The following HOMER1 variants were observed in gnomAD, a reference collection of about 807,000 sequenced individuals.
HOMER1 encodes homer protein homolog 1.
Under a neutral mutation model 48.9 loss-of-function variants are expected in HOMER1, and 3 were observed. The ratio of observed to expected loss-of-function variants is 0.06; its 90% CI spans 0.03 to 0.16. The LOEUF is 0.16. HOMER1 is among the 10% of genes least tolerant of loss of function. The probability of loss-of-function intolerance (pLI) is 1.00; values close to 1 mark genes in which losing one functional copy is unlikely to be tolerated. For missense variants in HOMER1, 247 were observed against 411.4 expected, an observed-to-expected ratio of 0.60 and a Z score of 3.46; for synonymous variants, 134 against 146.4, an observed-to-expected ratio of 0.92 and a Z score of 0.61.
chr5:79,432,170 A>G (rs2112265176), intron 5 of HOMER1, among the ~76,000 whole-genome samples: 1 of 152,354 alleles, frequency 6.6e-6, no homozygotes, highest in East Asian at 1.9e-4. Context: ...AAGAGGAAAG[A>G]TGGCCAAATC....
At chr5:79,381,277 T>C (rs768042140) in intron 8 of HOMER1, among the ~76,000 whole-genome samples, 1 of 152,210 alleles carries the variant, frequency 6.6e-6, no homozygotes, top group African/African-American at 2.4e-5. Context: ...ACAGAGACCA[T>C]GCTACTGAAC....
At chr5:79,384,216 A>C (rs972039429) in intron 8 of HOMER1, among the ~76,000 whole-genome samples, 5 of 152,084 alleles carry the variant, frequency 3.3e-5, no homozygotes, top group African/African-American at 1.2e-4. Flanking sequence ...AGGATCAATG[A>C]AACAAAAATT....
intron 1 of HOMER1, among the ~76,000 whole-genome samples, chr5:79,497,186 A>C (rs1305621446): frequency 1.3e-5 from 2 of 152,170 alleles, no homozygotes; most frequent in African/African-American, 4.8e-5. Flanking sequence ...TTCTAAAAGC[A>C]GAAAACTTCA....
At chr5:79,394,894 A>C (rs764903666) in intron 8 of HOMER1, among the ~76,000 whole-genome samples, 40 of 152,236 alleles carry the variant, frequency 2.6e-4, no homozygotes, top group Non-Finnish European at 4.6e-4. Flanking sequence ...AATTATCAAC[A>C]TTAGAAATTT....
chr5:79,507,155 G>A (rs1752797389), intron 1 of HOMER1, among the ~76,000 whole-genome samples: 1 of 139,122 alleles, frequency 7.2e-6, no homozygotes, highest in African/African-American at 2.7e-5. Flanking sequence ...GGAGGTTGCA[G>A]TGAGCCAAGA....
At chr5:79,414,300 G>T (rs1016524227) in intron 5 of HOMER1, among the ~76,000 whole-genome samples, 1 of 150,154 alleles carries the variant, frequency 6.7e-6, no homozygotes, top group African/African-American at 2.5e-5. Context: ...TTGCAGTGTT[G>T]TCCAGGCTGG....
chr5:79,400,754 T>C (rs1024096533), intron 6 of HOMER1, among the ~76,000 whole-genome samples: 1 of 147,180 alleles, frequency 6.8e-6, no homozygotes, highest in Non-Finnish European at 1.5e-5. Context: ...TTTTTTTTTT[T>C]GTTTTTTAGA....
intron 5 of HOMER1, among the ~76,000 whole-genome samples, chr5:79,405,138 AG>A (rs1749632124): frequency 6.6e-6 from 1 of 152,132 alleles, no homozygotes; most frequent in African/African-American, 2.4e-5. Flanking sequence ...GAGGTAATTA[AG>A]GTTTAATGTG....
At chr5:79,510,072 A>C (rs926297841) in intron 1 of HOMER1, among the ~76,000 whole-genome samples, 1 of 152,172 alleles carries the variant, frequency 6.6e-6, no homozygotes, top group African/African-American at 2.4e-5. Flanking sequence ...AAATACGCAT[A>C]AAGTGTGGAA....
intron 3 of HOMER1, among the ~76,000 whole-genome samples, chr5:79,449,872 T>C (rs573238449): frequency 3.3e-5 from 5 of 152,106 alleles, no homozygotes; most frequent in Non-Finnish European, 5.9e-5. Flanking sequence ...ATAATTCATA[T>C]CCAAAAGATA....
At chr5:79,508,594 G>A (rs1752844667) in intron 1 of HOMER1, among the ~76,000 whole-genome samples, 2 of 152,286 alleles carry the variant, frequency 1.3e-5, no homozygotes, top group South Asian at 2.1e-4. Flanking sequence ...GCAGTTCCTC[G>A]TTTTAGTGGT....
intron 2 of HOMER1, among the ~76,000 whole-genome samples, chr5:79,456,540 G>T (rs1158084736): frequency 1.3e-5 from 2 of 152,166 alleles, no homozygotes; most frequent in Non-Finnish European, 2.9e-5. Flanking sequence ...TAGAATTCTA[G>T]ACCATATCTA....
chr5:79,510,900 A>G (rs971339278), intron 1 of HOMER1: 4 of 653,240 alleles, frequency 6.1e-6, no homozygotes, highest in African/African-American at 1.8e-5. Context: ...CAGAGTAGAT[A>G]TCTCTATCTG....
chr5:79,435,983 G>A (rs1453161153), intron 5 of HOMER1, among the ~76,000 whole-genome samples: 29 of 148,520 alleles, frequency 2.0e-4, no homozygotes, highest in Admixed American at 4.7e-4. Flanking sequence ...AAAATTAGCC[G>A]GGCGCGGTGG....
chr5:79,421,259 G>A (rs1750089323), intron 5 of HOMER1, among the ~76,000 whole-genome samples: 2 of 152,188 alleles, frequency 1.3e-5, no homozygotes, highest in Non-Finnish European at 2.9e-5. Context: ...GATGCTGTAA[G>A]GTTGAGATAC....
chr5:79,389,717 A>G (rs954032225), intron 8 of HOMER1, among the ~76,000 whole-genome samples: 27 of 152,228 alleles, frequency 1.8e-4, no homozygotes, highest in Non-Finnish European at 1.5e-5. Context: ...TCCAGCTGCC[A>G]GAAGTGTGAG....
intron 1 of HOMER1, among the ~76,000 whole-genome samples, chr5:79,471,168 A>G (rs548783640): frequency 2.6e-5 from 4 of 152,196 alleles, no homozygotes; most frequent in Non-Finnish European, 5.9e-5. Context: ...ATTTTAAAAT[A>G]ATAAAACATA....
chr5:79,381,058 G>T (rs1213600805), intron 8 of HOMER1, among the ~76,000 whole-genome samples: 1 of 152,100 alleles, frequency 6.6e-6, no homozygotes, highest in Non-Finnish European at 1.5e-5. Context: ...AGCTTGCCTG[G>T]AACTGCTAAC....
chr5:79,395,896 A>G (rs1341185809), intron 8 of HOMER1, among the ~76,000 whole-genome samples: 2 of 152,206 alleles, frequency 1.3e-5, no homozygotes, highest in Non-Finnish European at 2.9e-5. Flanking sequence ...AGCACTCAAT[A>G]AATGTTGGCT....
Sources: allele counts gnomAD v4.1 joint callset (sites outside exome capture counted in the v4.1 genomes callset), GRCh38; gene constraint gnomAD v4.1.1; transcripts MANE v1.5; gene names NCBI Gene and HGNC (gene_info 2026-07-23, HGNC 2026-07-21).